Variants in JADE1 observed in about 807,000 individuals in gnomAD.
JADE1 encodes jade family PHD finger 1.
JADE1 carries 14 observed loss-of-function variants against 81.8 expected under a neutral mutation model. The ratio of observed to expected loss-of-function variants is 0.17; its 90% confidence interval spans 0.11 to 0.27. The LOEUF is 0.27. Ranked by LOEUF, JADE1 falls within the 10% of genes least tolerant of loss-of-function variation. The pLI, the probability that JADE1 is intolerant of heterozygous loss-of-function variation, is 1.00. For missense variants in JADE1, 690 were observed against 1,047.9 expected (o/e 0.66, Z 4.71); for synonymous variants, 353 against 391.9 (o/e 0.90, Z 1.17).
chr4:128,865,397 G>T (rs1237293452), intron 9 of JADE1, among the ~76,000 whole-genome samples: 2 of 152,184 alleles, frequency 1.3e-5, no homozygotes, highest in Non-Finnish European at 2.9e-5. Flanking sequence ...CAGGTTTAAG[G>T]TGGTGTGAGA....
intron 1 of JADE1, among the ~76,000 whole-genome samples, chr4:128,816,984 G>T (rs1294427689): frequency 6.6e-6 from 1 of 151,860 alleles, no homozygotes; most frequent in Non-Finnish European, 1.5e-5. Flanking sequence ...TCAGCCTCCG[G>T]AGTAGCTGGG....
At chr4:128,845,476 T>C (rs77606138) in intron 3 of JADE1, among the ~76,000 whole-genome samples, 11 of 152,304 alleles carry the variant, frequency 7.2e-5, no homozygotes, top group African/African-American at 2.4e-4. Context: ...ACATGTTTTT[T>C]GCAGGCCCAT....
At chr4:128,819,440 C>CAAAT (rs1273775231) in intron 1 of JADE1, among the ~76,000 whole-genome samples, 2 of 152,120 alleles carry the variant, frequency 1.3e-5, no homozygotes, top group Non-Finnish European at 2.9e-5. Context: ...TGTGTAAGAA[C>CAAAT]AAATACCTTG....
chr4:128,853,023 G>A (rs1039923310), intron 6 of JADE1, among the ~76,000 whole-genome samples: 1 of 151,768 alleles, frequency 6.6e-6, no homozygotes, highest in African/African-American at 2.4e-5. Flanking sequence ...CGCCTCCCGA[G>A]TAGCTGGGAC....
chr4:128,813,494 C>A (rs1248043111), intron 1 of JADE1, among the ~76,000 whole-genome samples: 1 of 148,930 alleles, frequency 6.7e-6, no homozygotes, highest in South Asian at 2.2e-4. Flanking sequence ...TCTTAGCTCA[C>A]TGCAACCTCC....
chr4:128,853,330 A>G (rs1377162941), intron 6 of JADE1, among the ~76,000 whole-genome samples: 1 of 152,208 alleles, frequency 6.6e-6, no homozygotes, highest in Non-Finnish European at 1.5e-5. Flanking sequence ...GGACTTCAAC[A>G]TGTCTTTTAG....
At chr4:128,839,919 T>A (rs943430293) in intron 2 of JADE1, among the ~76,000 whole-genome samples, 2 of 152,236 alleles carry the variant, frequency 1.3e-5, no homozygotes, top group East Asian at 3.8e-4. Flanking sequence ...TCTTTACCAG[T>A]CTTTCCCTGT....
chr4:128,845,601 G>C (rs539663663), intron 3 of JADE1, among the ~76,000 whole-genome samples: 6 of 152,160 alleles, frequency 3.9e-5, no homozygotes, highest in African/African-American at 1.4e-4. Flanking sequence ...GGGCCTGGGT[G>C]GGGGCAGTCT....
chr4:128,849,191 T>C (rs745901101), intron 5 of JADE1, 24 bp downstream of exon 5: 11 of 1,569,002 alleles, frequency 7.0e-6, no homozygotes, highest in Non-Finnish European at 8.7e-6. Context: ...TATTCTATTA[T>C]TTTATTAACC....
intron 9 of JADE1, 181 bp downstream of exon 9, chr4:128,862,406 A>G (rs1354296633): frequency 8.4e-6 from 12 of 1,424,172 alleles, no homozygotes; most frequent in Non-Finnish European, 1.1e-5. Context: ...ACATATGTGC[A>G]AAACTGCTAC....
At chr4:128,812,127 G>T (rs935584300) in intron 1 of JADE1, among the ~76,000 whole-genome samples, 2 of 151,886 alleles carry the variant, frequency 1.3e-5, no homozygotes, top group Admixed American at 6.6e-5. Context: ...TGCCGCGGCG[G>T]GGGGTGGCCA....
chr4:128,863,709 A>G (rs910059921), intron 9 of JADE1: 2 of 985,440 alleles, frequency 2.0e-6, no homozygotes, highest in African/African-American at 1.7e-5. Context: ...TCTCACAACT[A>G]CATGTATGTG....
At chr4:128,839,055 C>T (rs1184074843) in intron 2 of JADE1, among the ~76,000 whole-genome samples, 1 of 152,152 alleles carries the variant, frequency 6.6e-6, no homozygotes, top group East Asian at 1.9e-4. Context: ...GCAATGGTTA[C>T]AGCATGATTG....
At chr4:128,820,466 G>T (rs1727463539) in intron 1 of JADE1, among the ~76,000 whole-genome samples, 1 of 152,212 alleles carries the variant, frequency 6.6e-6, no homozygotes, top group South Asian at 2.1e-4. Flanking sequence ...CTTGTAGGCA[G>T]AGTCTACGTT....
rs1380270621 is a variant in JADE1 at position 128,846,966 on chromosome 4, G to A, written c.296+434G>A. Among the ~76,000 whole-genome samples, 2 of 152,220 alleles carry A rather than the reference G, an allele frequency of 1.3e-5. No homozygotes were observed. Among genetic ancestry groups the A allele is most frequent in the South Asian group, 2.1e-4 (1 of 4,838 alleles). ...CGCGGGCAGCTGCTCTGCCTACTGCGGTTGCCTCTGCCTTTGGAGGAGGAC... is the reference window on the plus strand; with the variant it reads ...CGCGGGCAGCTGCTCTGCCTACTGCAGTTGCCTCTGCCTTTGGAGGAGGAC... On this transcript the variant is annotated intron_variant, in intron 4 of 10. Coordinates refer to ENST00000226319, the MANE Select transcript of JADE1 (RefSeq NM_199320.4). The surrounding 1 kb of genome is among the most constrained non-coding windows in gnomAD (Gnocchi z 4.0).
At chr4:128,825,167 G>A (rs1160637714) in intron 1 of JADE1, among the ~76,000 whole-genome samples, 2 of 152,092 alleles carry the variant, frequency 1.3e-5, no homozygotes, top group Non-Finnish European at 2.9e-5. Flanking sequence ...AGCCTCTCAA[G>A]TAGCTGGAAC....
At chr4:128,819,594 C>T (rs1171381384) in intron 1 of JADE1, among the ~76,000 whole-genome samples, 2 of 152,184 alleles carry the variant, frequency 1.3e-5, no homozygotes, top group Admixed American at 1.3e-4. Flanking sequence ...ATGCCTACCA[C>T]TCCGGGAGAA....
chr4:128,842,888 C>A, intron 2 of JADE1, 65 bp from the exon 3 acceptor site: 2 of 1,437,450 alleles, frequency 1.4e-6, no homozygotes, highest in Non-Finnish European at 2.0e-6. Flanking sequence ...GTAAGAAAAC[C>A]CCTGAGAACA....
At position 128,809,744 on chromosome 4, in the gene JADE1, G is replaced by C. The variant is rs924688886; in HGVS notation, c.-160G>C. ...CCAGACCGAGAGTGCCTCCGTGCGC[G>C]AGTGCCCGGTGTGTGCGCGCCGGCG... On this transcript the variant is annotated 5_prime_UTR_variant, in exon 1 of 11. Transcript: ENST00000226319. The C allele has an allele frequency of 1.3e-5, 2 of 152,162 alleles. No homozygotes were observed. Among genetic ancestry groups the C allele is most frequent in the African/African-American group, 4.8e-5 (2 of 41,420 alleles). 9.4% of individuals were successfully genotyped at this position (152,162 alleles called of 1,614,324 possible). A position where few individuals can be genotyped will look rare whatever the true frequency, so the allele number is the denominator to read the frequency against.
Sources: gnomAD v4.1 joint callset for allele counts (sites outside exome capture counted in the v4.1 genomes callset) on GRCh38, gnomAD v4.1.1 for gene constraint, Gnocchi (gnomAD v3.1) non-coding constraint, MANE v1.5 for transcripts, NCBI Gene and HGNC (gene_info 2026-07-23, HGNC 2026-07-21) for gene names.